RBCK1: variants seen among roughly 807,000 people sequenced by gnomAD.
RBCK1 encodes ranBP-type and C3HC4-type zinc finger-containing protein 1.
In RBCK1, 44 loss-of-function variants were observed where a neutral mutation model predicts 71.1. The observed-to-expected ratio is 0.62, with a 90% CI of 0.49 to 0.80. RBCK1 has a LOEUF of 0.80. Among genes scored for constraint, RBCK1 ranks in the 30% least tolerant of loss-of-function variants. RBCK1 has a pLI of 0.00. For missense variants in RBCK1, 569 were observed against 685.0 expected (o/e 0.83, Z 1.89); for synonymous variants, 306 against 279.7 (o/e 1.09, Z -0.94).
At chr20:427,679 C>T (rs1054409279) in intron 9 of RBCK1, among the ~76,000 whole-genome samples, 187 bp downstream of exon 9, 1 of 152,136 alleles carries the variant, frequency 6.6e-6, no homozygotes, top group Non-Finnish European at 1.5e-5. Flanking sequence ...GACGGAGTCC[C>T]AGCCCCAGCC....
At position 431,942 on chromosome 20, in the gene RBCK1, C is replaced by T. The variant is rs1034320500; in HGVS notation, c.*1512C>T. ...GACGCTGTCTCATACCCACTCTCCC[C>T]TCTCTTGCCAGGGCCTGGCCTGGTG... On this transcript the variant is annotated 3_prime_UTR_variant, in exon 12 of 12. Coordinates refer to ENST00000356286, the MANE Select transcript of RBCK1 (RefSeq NM_031229.4). The surrounding 1 kb of genome is among the most constrained non-coding windows in gnomAD (Gnocchi z 4.8). Among the ~76,000 whole-genome samples, 1 of 152,202 alleles carries T rather than the reference C, an allele frequency of 6.6e-6. No homozygotes were observed. The highest frequency in any genetic ancestry group is 1.5e-5 in the Non-Finnish European group (1 of 68,032).
chr20:417,317 G>T lies in RBCK1; in HGVS notation c.168-209G>T, dbSNP rs773550251. The stretch of plus-strand genomic sequence containing the variant: ...GCCACGAGTTGATTCTAAGAGTAGC[G>T]TGGAGCCATTGGAGGGGCCTAACTG... On this transcript the variant is annotated intron_variant, in intron 2 of 11. Transcript: ENST00000356286. This position sits in a 1 kb window ranked among gnomAD's most constrained non-coding sequence, Gnocchi z 4.7. 1.4e-6 allele frequency: 1 copy of T among 722,062 alleles called. No homozygotes were observed. The highest frequency in any genetic ancestry group is 1.9e-5 in the Admixed American group (1 of 53,796). 44.7% of individuals were successfully genotyped at this position (722,062 alleles called of 1,614,324 possible). A position where few individuals can be genotyped will look rare whatever the true frequency, so the allele number is the denominator to read the frequency against.
At chr20:418,657 C>G (rs191104521) in intron 4 of RBCK1, among the ~76,000 whole-genome samples, 2 of 152,230 alleles carry the variant, frequency 1.3e-5, no homozygotes, top group Non-Finnish European at 2.9e-5. Flanking sequence ...CGTGAGCCAC[C>G]ACGCCCAACC....
In RBCK1 at chr20:419,313, C is replaced by A. The variant is rs758541405; in HGVS notation, c.461-34C>A. On this transcript the variant is annotated intron_variant, in intron 4 of 11. Coordinates refer to ENST00000356286, the MANE Select transcript of RBCK1 (RefSeq NM_031229.4). Reference sequence around the variant, plus strand: ...CCATGGGTGTGGACCAAGTGGGCCGCGTGGAACCACCACCCTTTAACCCTC... The same window carrying A: ...CCATGGGTGTGGACCAAGTGGGCCGAGTGGAACCACCACCCTTTAACCCTC... The A allele has an allele frequency of 1.4e-5, 23 of 1,610,576 alleles. No individual in the cohort carries two copies. In the East Asian group the frequency reaches 1.6e-4, roughly 11 times the overall value.
chr20:427,008 A>T (rs982538056), intron 8 of RBCK1, among the ~76,000 whole-genome samples: 1 of 150,964 alleles, frequency 6.6e-6, no homozygotes, highest in Admixed American at 6.6e-5. Context: ...TTTTAAAAAA[A>T]TTTTTTGGTA....
chr20:408,648 A>G lies in RBCK1; in HGVS notation c.-110A>G. 6.8e-6 allele frequency: 10 copies of G among 1,462,258 alleles called. No individual in the cohort carries two copies. Among genetic ancestry groups the G allele is most frequent in the Middle Eastern group, 1.8e-4 (1 of 5,454 alleles). 90.6% of individuals were successfully genotyped at this position (1,462,258 alleles called of 1,614,324 possible). On this transcript the variant is annotated 5_prime_UTR_variant, in exon 1 of 12. Transcript: ENST00000356286. ...CAGGGCTTGGGCCGCGCCGGAGGCC[A>G]CACGGCCTGGCTGAGTTGCTCCTGG...
At position 417,395 on chromosome 20, in the gene RBCK1, T is replaced by TTGTGTG. The variant is rs67707964; in HGVS notation, c.168-108_168-103dup. On this transcript the variant is annotated intron_variant, in intron 2 of 11. Coordinates refer to ENST00000356286, the MANE Select transcript of RBCK1 (RefSeq NM_031229.4). The surrounding 1 kb of genome is among the most constrained non-coding windows in gnomAD (Gnocchi z 4.7). ...GGTGGGGCCTACCCCAGACTGGGGT[T>TTGTGTG]TGTGTGTGTGTGTGTGTGTGTGTGT... 1.2e-4 allele frequency: 92 copies of TTGTGTG among 765,746 alleles called. No homozygotes were observed. The highest frequency in any genetic ancestry group is 9.6e-4 in the South Asian group (67 of 69,512). The allele number at this position is 765,746 out of a possible 1,614,324, so 47.4% of individuals were successfully genotyped here. A position where few individuals can be genotyped will look rare whatever the true frequency, so the allele number is the denominator to read the frequency against.
Position 408,612 on chromosome 20 carries a change from C to A in RBCK1, c.-146C>A. 1 of 980,676 alleles carries A rather than the reference C, an allele frequency of 1.0e-6. No homozygotes were observed. The highest frequency in any genetic ancestry group is 1.6e-6 in the Non-Finnish European group (1 of 636,936). The allele number at this position is 980,676 out of a possible 1,614,324, so 60.7% of individuals were successfully genotyped here. ...TGCTTCCCGACTGCCGCGGGGACAGCGAGGCACACACAGGGCTTGGGCCGC... is the reference window on the plus strand; with the variant it reads ...TGCTTCCCGACTGCCGCGGGGACAGAGAGGCACACACAGGGCTTGGGCCGC... On this transcript the variant is annotated 5_prime_UTR_variant, in exon 1 of 12. Coordinates refer to ENST00000356286, the MANE Select transcript of RBCK1 (RefSeq NM_031229.4).
In RBCK1 at chr20:422,093, A is replaced by G. The variant is rs781623894; in HGVS notation, c.918-34A>G. 52 of 1,565,468 alleles carry G rather than the reference A, an allele frequency of 3.3e-5. No homozygotes were observed. Among genetic ancestry groups the G allele is most frequent in the Non-Finnish European group, 4.2e-5 (48 of 1,143,844 alleles). ...GGAGTCCCCAGTGAAGGGGGTTCCT[A>G]TGATCCTAACTCTTTTCCCCTCCCC... On this transcript the variant is annotated intron_variant, in intron 7 of 11. Coordinates refer to ENST00000356286, the MANE Select transcript of RBCK1 (RefSeq NM_031229.4). This position sits in a 1 kb window ranked among gnomAD's most constrained non-coding sequence, Gnocchi z 5.0.
intron 6 of RBCK1, 115 bp from the exon 7 acceptor site, chr20:420,756 T>TGG: frequency 2.8e-6 from 1 of 357,824 alleles, no homozygotes; most frequent in Non-Finnish European, 4.4e-6. Context: ...GCTCCCAGCT[T>TGG]TGCCTGTGGC....
rs1366634174 is a variant in RBCK1, at chr20:431,466, A to C, written c.*1036A>C. Reference sequence around the variant, plus strand: ...ACTAAGACAGGGTCCTGGGATGTTCATTCTCTAAGTCTTTCCTCCGCTCTG... The same window carrying C: ...ACTAAGACAGGGTCCTGGGATGTTCCTTCTCTAAGTCTTTCCTCCGCTCTG... On this transcript the variant is annotated 3_prime_UTR_variant, in exon 12 of 12. Coordinates refer to ENST00000356286, the MANE Select transcript of RBCK1 (RefSeq NM_031229.4). This position sits in a 1 kb window ranked among gnomAD's most constrained non-coding sequence, Gnocchi z 4.8. 6.6e-6 allele frequency among the ~76,000 whole-genome samples: 1 copy of C among 152,150 alleles called. No individual in the cohort carries two copies. Among genetic ancestry groups the C allele is most frequent in the Non-Finnish European group, 1.5e-5 (1 of 68,028 alleles).
chr20:422,929 C>T lies in RBCK1; in HGVS notation c.1029+691C>T, dbSNP rs1600302609. Reference sequence around the variant, plus strand: ...ATTTAACCTCTCTATGCCTCTATCTCATCTCTGTTAGAGTCAGAGTTACAG... The same window carrying T: ...ATTTAACCTCTCTATGCCTCTATCTTATCTCTGTTAGAGTCAGAGTTACAG... On this transcript the variant is annotated intron_variant, in intron 8 of 11. Transcript: ENST00000356286. The surrounding 1 kb of genome is among the most constrained non-coding windows in gnomAD (Gnocchi z 5.0). Among the ~76,000 whole-genome samples, 1 of 152,352 alleles carries T rather than the reference C, an allele frequency of 6.6e-6. No homozygotes were observed. The highest frequency in any genetic ancestry group is 1.5e-5 in the Non-Finnish European group (1 of 68,034).
At chr20:429,226 ATTTTT>A (rs146561173) in intron 11 of RBCK1, 132 bp downstream of exon 11, 5 of 1,003,316 alleles carry the variant, frequency 5.0e-6, no homozygotes, top group African/African-American at 1.8e-5. Context: ...CGAGGTAAGA[ATTTTT>A]TTTTTTTTTT....
intron 8 of RBCK1, among the ~76,000 whole-genome samples, chr20:426,641 C>A (rs1277732219): frequency 6.6e-6 from 1 of 151,852 alleles, no homozygotes; most frequent in Non-Finnish European, 1.5e-5. Context: ...TATTTATGTT[C>A]TTTTCTTTAT....
chr20:421,296 TCGC>T (rs1343153883), intron 7 of RBCK1, among the ~76,000 whole-genome samples: 3 of 152,134 alleles, frequency 2.0e-5, no homozygotes, highest in African/African-American at 7.2e-5. Context: ...CCTCTACCTT[TCGC>T]CGCCCGGGCT....
intron 2 of RBCK1, among the ~76,000 whole-genome samples, chr20:413,099 A>T (rs1365310598): frequency 6.6e-6 from 1 of 152,196 alleles, no homozygotes; most frequent in Non-Finnish European, 1.5e-5. Flanking sequence ...CATAAATGTG[A>T]GTGCTTATTT....
chr20:415,402 C>T (rs1423925303), intron 2 of RBCK1, among the ~76,000 whole-genome samples: 1 of 151,842 alleles, frequency 6.6e-6, no homozygotes, highest in Non-Finnish European at 1.5e-5. Context: ...CCCCTCAATA[C>T]TATTATCACA....
rs759984918 is a variant in RBCK1, at chr20:430,439, T to C, written c.*9T>C. 6.2e-7 allele frequency: 1 copy of C among 1,603,636 alleles called. No homozygotes were observed. Among genetic ancestry groups the C allele is most frequent in the South Asian group, 1.1e-5 (1 of 90,852 alleles). On this transcript the variant is annotated 3_prime_UTR_variant, in exon 12 of 12. Coordinates refer to ENST00000356286, the MANE Select transcript of RBCK1 (RefSeq NM_031229.4). This position sits in a 1 kb window ranked among gnomAD's most constrained non-coding sequence, Gnocchi z 5.6. ...GTCAGAACTGCCACTGAGCTAAAGA[T>C]GGTGGGGCCACATGCTGACCCAGCC... is the stretch of plus-strand genomic sequence containing the variant.
chr20:411,044 C>T (rs967770454), intron 2 of RBCK1, among the ~76,000 whole-genome samples: 1 of 152,014 alleles, frequency 6.6e-6, no homozygotes, highest in African/African-American at 2.4e-5. Context: ...TTTTCCCTAA[C>T]TCCCCAACCT....
Sources: gnomAD v4.1 joint callset for allele counts (sites outside exome capture counted in the v4.1 genomes callset) on GRCh38, gnomAD v4.1.1 for gene constraint, Gnocchi (gnomAD v3.1) non-coding constraint, MANE v1.5 for transcripts, NCBI Gene and HGNC (gene_info 2026-07-23, HGNC 2026-07-21) for gene names.